Variants in ARHGEF6 observed in about 807,000 individuals in gnomAD.
ARHGEF6 encodes the protein rho guanine nucleotide exchange factor 6.
In ARHGEF6, 9 loss-of-function variants were observed where a neutral mutation model predicts 70.3. The observed-to-expected ratio is 0.13, with a 90% confidence interval of 0.08 to 0.22. ARHGEF6 has a LOEUF of 0.22. ARHGEF6 is among the 10% of genes least tolerant of loss of function. The pLI, the probability that ARHGEF6 is intolerant of heterozygous loss-of-function variation, is 1.00. For synonymous variants in ARHGEF6, 201 were observed against 207.8 expected (o/e 0.97, Z 0.28); for missense variants, 470 against 563.0 (o/e 0.83, Z 1.67).
chrX:136,694,056 C>CTT (rs1222897407), intron 9 of ARHGEF6, among the ~76,000 whole-genome samples: 3,600 of 96,172 alleles, frequency 0.037, 258 homozygotes, highest in African/African-American at 0.13. Context: ...GTCCCCACTC[C>CTT]TTTTTTTTTT....
intron 15 of ARHGEF6, 87 bp downstream of exon 15, chrX:136,680,644 T>C (rs1283267754): frequency 3.8e-6 from 4 of 1,046,328 alleles, no homozygotes; most frequent in Non-Finnish European, 5.4e-6. Flanking sequence ...AGACTAAGGG[T>C]GTGCTCGCTG....
intron 2 of ARHGEF6, among the ~76,000 whole-genome samples, chrX:136,750,804 C>CTT (rs11352668): frequency 2.1e-5 from 2 of 96,255 alleles, no homozygotes; most frequent in Non-Finnish European, 2.1e-5. Context: ...TGAAATCAAA[C>CTT]TTTTTTTTTT....
At chrX:136,686,643 C>CACACATATATATATATAT (rs2076398648) in intron 11 of ARHGEF6, among the ~76,000 whole-genome samples, 1 of 50,940 alleles carries the variant, frequency 2.0e-5, no homozygotes, top group African/African-American at 1.3e-4. Context: ...TATATATATA[C>CACACATATATATATATAT]ACACATATAT....
At chrX:136,736,565 T>C (rs1201625196) in intron 5 of ARHGEF6, among the ~76,000 whole-genome samples, 1 of 110,588 alleles carries the variant, frequency 9.0e-6, no homozygotes, top group African/African-American at 3.3e-5. Context: ...GTTTTTATCA[T>C]CATGGTCACA....
At chrX:136,755,243 C>G in intron 2 of ARHGEF6, among the ~76,000 whole-genome samples, 1 of 111,999 alleles carries the variant, frequency 8.9e-6, no homozygotes, top group South Asian at 3.7e-4. Flanking sequence ...AATCAATGTC[C>G]AACATCCTTT....
chrX:136,714,818 T>C (rs1434735690), intron 6 of ARHGEF6, among the ~76,000 whole-genome samples: 1 of 111,656 alleles, frequency 9.0e-6, no homozygotes, highest in Non-Finnish European at 1.9e-5. Context: ...TCTCAGATTA[T>C]GATATTGCAC....
chrX:136,739,283 A>C lies in ARHGEF6; in HGVS notation c.661+4302T>G, dbSNP rs751308238. 3.6e-5 allele frequency among the ~76,000 whole-genome samples: 4 copies of C among 111,978 alleles called. No individual in the cohort carries two copies. The South Asian group carries it at 1.5e-3, about 42-fold the overall frequency. ...CACTCCTTATGTTATTGTTAATCAA[A>C]TTGTTTCTTCACTGTTCCTACAGCA... On this transcript the variant is annotated intron_variant, in intron 5 of 21. Coordinates refer to ENST00000250617, the MANE Select transcript of ARHGEF6 (RefSeq NM_004840.3).
intron 2 of ARHGEF6, among the ~76,000 whole-genome samples, chrX:136,752,528 C>T (rs1213549192): frequency 8.9e-6 from 1 of 112,199 alleles, no homozygotes; most frequent in Non-Finnish European, 1.9e-5. Context: ...CCTGAGTTAA[C>T]CAGTCACAGC....
chrX:136,699,908 C>CA (rs2016065665), intron 9 of ARHGEF6, among the ~76,000 whole-genome samples: 1 of 110,736 alleles, frequency 9.0e-6, no homozygotes, highest in Non-Finnish European at 1.9e-5. Context: ...GAACCTTTTC[C>CA]AAAACAAAGG....
intron 6 of ARHGEF6, among the ~76,000 whole-genome samples, chrX:136,717,658 T>C (rs1311558523): frequency 8.9e-6 from 1 of 112,016 alleles, no homozygotes; most frequent in Non-Finnish European, 1.9e-5. Flanking sequence ...TGTGTGTATA[T>C]ACTAATGTGT....
intron 5 of ARHGEF6, among the ~76,000 whole-genome samples, chrX:136,736,661 C>A (rs28545242): frequency 0.012 from 1,257 of 102,085 alleles, 21 homozygotes; most frequent in African/African-American, 0.05. Context: ...TTCACACTCA[C>A]GTCTTCTATT....
chrX:136,773,644 G>T (rs1409794476), intron 2 of ARHGEF6, among the ~76,000 whole-genome samples: 1 of 112,263 alleles, frequency 8.9e-6, no homozygotes, highest in Non-Finnish European at 1.9e-5. Flanking sequence ...TGCCTTATGT[G>T]CAGTGCTATA....
chrX:136,757,598 C>G (rs1866049704), intron 2 of ARHGEF6, among the ~76,000 whole-genome samples: 1 of 110,824 alleles, frequency 9.0e-6, no homozygotes, highest in African/African-American at 3.3e-5. Flanking sequence ...CCTTCAGGGC[C>G]CAATCCAAAT....
Position 136,758,882 on chromosome X carries a change from T to A in ARHGEF6, c.250-11290A>T, listed in dbSNP as rs183254928. Among the ~76,000 whole-genome samples the A allele has an allele frequency of 2.6e-4, 29 of 111,936 alleles. No individual in the cohort carries two copies. In the East Asian group the frequency reaches 6.7e-3, roughly 26 times the overall value. On this transcript the variant is annotated intron_variant, in intron 2 of 21. Transcript: ENST00000250617. The stretch of plus-strand genomic sequence containing the variant: ...ACAAATATTTGTTGAACACCTGGTG[T>A]CTATGCCAGGCAGTAATACATAAAT...
chrX:136,673,723 C>T (rs1270893890), intron 19 of ARHGEF6, among the ~76,000 whole-genome samples: 1 of 111,262 alleles, frequency 9.0e-6, no homozygotes, highest in Non-Finnish European at 1.9e-5. Context: ...TATGCATGCC[C>T]AAAGCCACAG....
At chrX:136,747,119 A>G (rs2077101605) in intron 3 of ARHGEF6, among the ~76,000 whole-genome samples, 1 of 111,418 alleles carries the variant, frequency 9.0e-6, no homozygotes, top group East Asian at 2.8e-4. Context: ...GGACAAAGGC[A>G]TACATAAAAC....
intron 2 of ARHGEF6, among the ~76,000 whole-genome samples, chrX:136,755,588 G>T (rs760279330): frequency 8.9e-6 from 1 of 111,773 alleles, no homozygotes; most frequent in East Asian, 2.8e-4. Context: ...AGAAACGAGG[G>T]CCATGAAACA....
chrX:136,734,130 G>A (rs2076962739), intron 5 of ARHGEF6, among the ~76,000 whole-genome samples: 1 of 112,100 alleles, frequency 8.9e-6, no homozygotes, highest in Admixed American at 9.4e-5. Flanking sequence ...AGTGGGGCCA[G>A]GTTGGGTAGA....
intron 20 of ARHGEF6, 110 bp downstream of exon 20, chrX:136,671,910 G>A (rs1426589781): frequency 3.2e-6 from 2 of 632,180 alleles, no homozygotes; most frequent in Non-Finnish European, 5.3e-6. Flanking sequence ...CGCATTCCCA[G>A]GTAAGGAGGA....
Sources: allele counts gnomAD v4.1 joint callset (sites outside exome capture counted in the v4.1 genomes callset), GRCh38; gene constraint gnomAD v4.1.1; transcripts MANE v1.5; gene names NCBI Gene and HGNC (gene_info 2026-07-23, HGNC 2026-07-21).